The following RANBP2 variants were observed in gnomAD, a reference collection of about 807,000 sequenced individuals.
The protein encoded by RANBP2 is E3 SUMO-protein ligase RanBP2.
Under a neutral mutation model 303.6 loss-of-function variants are expected in RANBP2, and 57 were observed. That is an observed-to-expected ratio of 0.19 (90% CI 0.15 to 0.23). The LOEUF (loss-of-function observed/expected upper bound fraction) is 0.23. RANBP2 is among the 10% of genes least tolerant of loss of function. The pLI is 1.00. For synonymous variants in RANBP2, 1,167 were observed against 1,301.5 expected (o/e 0.90, Z 2.23); for missense variants, 3,138 against 3,780.8 (o/e 0.83, Z 4.46).
chr2:109,529,485 G>A, the RANBP2 span, among the ~76,000 whole-genome samples: 15 of 152,190 alleles, frequency 9.9e-5, no homozygotes, highest in South Asian at 4.1e-4. Flanking sequence ...GAGATAGCAC[G>A]GCCTGGACCA....
chr2:109,085,466 G>A, the RANBP2 span, among the ~76,000 whole-genome samples: 3 of 151,760 alleles, frequency 2.0e-5, no homozygotes, highest in East Asian at 1.9e-4. Context: ...ACCACGCCTC[G>A]CTAATTTTTT....
At chr2:108,994,328 C>T in the RANBP2 span, among the ~76,000 whole-genome samples, 1 of 152,200 alleles carries the variant, frequency 6.6e-6, no homozygotes, top group Non-Finnish European at 1.5e-5. Flanking sequence ...CTCTGCTCCC[C>T]AGCCAGGGTT....
the RANBP2 span, among the ~76,000 whole-genome samples, chr2:109,011,026 C>T: frequency 6.6e-6 from 1 of 152,150 alleles, no homozygotes; most frequent in Non-Finnish European, 1.5e-5. Flanking sequence ...TCTCTTTGGC[C>T]AAGGCTAGTC....
chr2:109,024,244 G>A, the RANBP2 span, among the ~76,000 whole-genome samples: 1 of 152,126 alleles, frequency 6.6e-6, no homozygotes, highest in Non-Finnish European at 1.5e-5. Flanking sequence ...TTATTTCTGG[G>A]TAAAATGGTG....
chr2:109,308,971 G>A, the RANBP2 span, among the ~76,000 whole-genome samples: 1 of 80,384 alleles, frequency 1.2e-5, no homozygotes, highest in Non-Finnish European at 2.1e-5. Context: ...AAAGTCATTG[G>A]TAGCTTGATG....
the RANBP2 span, among the ~76,000 whole-genome samples, chr2:109,357,028 G>A: frequency 6.6e-6 from 1 of 151,968 alleles, no homozygotes; most frequent in African/African-American, 2.4e-5. Context: ...GCTGCTGCTT[G>A]TCCATACTGG....
chr2:109,411,602 T>C, the RANBP2 span, among the ~76,000 whole-genome samples: 2 of 152,206 alleles, frequency 1.3e-5, no homozygotes, highest in East Asian at 3.9e-4. Flanking sequence ...CACTCATTTC[T>C]TTGTACTTTT....
At chr2:109,550,312 T>TC in the RANBP2 span, among the ~76,000 whole-genome samples, 1 of 142,092 alleles carries the variant, frequency 7.0e-6, no homozygotes, top group African/African-American at 2.6e-5. Flanking sequence ...AAAAAGTATC[T>TC]TTTTTTTTTT....
At chr2:109,000,934 A>AGTGCC in the RANBP2 span, among the ~76,000 whole-genome samples, 1 of 152,132 alleles carries the variant, frequency 6.6e-6, no homozygotes, top group South Asian at 2.1e-4. Flanking sequence ...GAATTCCTTC[A>AGTGCC]GTGCCCTGCC....
chr2:109,426,995 G>A, the RANBP2 span, among the ~76,000 whole-genome samples: 1 of 151,580 alleles, frequency 6.6e-6, no homozygotes, highest in Non-Finnish European at 1.5e-5. Flanking sequence ...TTTGAGACGA[G>A]TCTCGCTCTG....
At chr2:108,821,480 T>C in the RANBP2 span, among the ~76,000 whole-genome samples, 1 of 152,150 alleles carries the variant, frequency 6.6e-6, no homozygotes, top group African/African-American at 2.4e-5. Context: ...AGATGTTTTA[T>C]GTAATTGATT....
At chr2:109,613,955 G>C in the RANBP2 span, 2 of 1,207,778 alleles carry the variant, frequency 1.7e-6, no homozygotes, top group African/African-American at 1.6e-5. Context: ...CTGCCTCCGC[G>C]ACGGGGAAGG....
In RANBP2 at chr2:108,768,305, C is replaced by T; in HGVS notation, c.7766C>T (p.Ser2589Leu). 1 of 1,611,992 alleles carries T rather than the reference C, an allele frequency of 6.2e-7. No individual in the cohort carries two copies. The highest frequency in any genetic ancestry group is 8.5e-7 in the Non-Finnish European group (1 of 1,179,864). ...AAGAACTCTGATATCGAACAGTCTT[C>T]AGATAGCAAAGTCAAAAATCTCTTT... is the stretch of plus-strand genomic sequence containing the variant. ...LSKNSDIEQS[S>L]DSKVKNLFAS... Residue 2589 changes from serine (S) to leucine (L), a missense_variant, in exon 20 of 29, where the codon TCA becomes TTA. Physicochemically the swap from Ser to Leu is moderately radical, Grantham distance 145. Around this residue, in one of 20 missense-constraint regions of RANBP2, gnomAD observed 497 missense variants for 465.8 expected, o/e 1.07. Coordinates refer to ENST00000283195, the MANE Select transcript of RANBP2 (RefSeq NM_006267.5).
chr2:109,739,968 T>TG, the RANBP2 span, among the ~76,000 whole-genome samples: 1 of 149,740 alleles, frequency 6.7e-6, no homozygotes, highest in East Asian at 1.9e-4. Context: ...TGCTGTTACA[T>TG]GGGGCATAAC....
chr2:108,860,534 A>G, the RANBP2 span, among the ~76,000 whole-genome samples: 1 of 151,672 alleles, frequency 6.6e-6, no homozygotes, highest in East Asian at 1.9e-4. Flanking sequence ...TTTATCCTAA[A>G]GAGATGTTGG....
the RANBP2 span, chr2:109,128,759 G>C: frequency 5.4e-6 from 1 of 185,384 alleles, no homozygotes; most frequent in African/African-American, 2.4e-5. Flanking sequence ...AGCAGCGTTG[G>C]CAGGAAACGT....
At chr2:109,082,229 C>T in the RANBP2 span, among the ~76,000 whole-genome samples, 5 of 152,218 alleles carry the variant, frequency 3.3e-5, no homozygotes, top group Non-Finnish European at 5.9e-5. Flanking sequence ...GCAGCTCTGA[C>T]CCAAGGTTAG....
chr2:109,424,371 A>C, the RANBP2 span, among the ~76,000 whole-genome samples: 2 of 152,344 alleles, frequency 1.3e-5, no homozygotes, highest in Admixed American at 1.3e-4. Flanking sequence ...CAGGCTGGGC[A>C]TCCCTGGACC....
chr2:109,357,005 A>G, the RANBP2 span, among the ~76,000 whole-genome samples: 5 of 152,098 alleles, frequency 3.3e-5, no homozygotes, highest in African/African-American at 1.2e-4. Flanking sequence ...ACTGAATGCA[A>G]CATTCAAGGC....
Sources: allele counts gnomAD v4.1 joint callset (sites outside exome capture counted in the v4.1 genomes callset), GRCh38; gene constraint gnomAD v4.1.1; regional missense constraint gnomAD v4.1.1; transcripts MANE v1.5; gene names NCBI Gene and HGNC (gene_info 2026-07-23, HGNC 2026-07-21).